Variants in NCKAP5 observed in about 807,000 individuals in gnomAD.
NCKAP5 encodes the protein nck-associated protein 5.
In NCKAP5, 92 loss-of-function variants were observed where a neutral mutation model predicts 167.0. That is an observed-to-expected ratio of 0.55 (90% CI 0.47 to 0.66). NCKAP5 has a LOEUF of 0.66. NCKAP5 is among the 30% of genes least tolerant of loss of function. NCKAP5 has a pLI of 0.00. For synonymous variants in NCKAP5, 891 were observed against 877.4 expected, an observed-to-expected ratio of 1.02 and a Z score of -0.27; for missense variants, 2,378 against 2,315.0, an observed-to-expected ratio of 1.03 and a Z score of -0.56.
At chr2:133,279,722 T>C (rs1206445846) in intron 4 of NCKAP5, among the ~76,000 whole-genome samples, 1 of 152,232 alleles carries the variant, frequency 6.6e-6, no homozygotes, top group Non-Finnish European at 1.5e-5. Flanking sequence ...ACACCGTTGT[T>C]CTATGATAGC....
At chr2:132,766,681 A>G (rs1402890659) in intron 16 of NCKAP5, among the ~76,000 whole-genome samples, 1 of 152,200 alleles carries the variant, frequency 6.6e-6, no homozygotes, top group Non-Finnish European at 1.5e-5. Context: ...TCTCTATAGA[A>G]GTGAAGCACT....
At chr2:133,075,967 C>T (rs1262956653) in intron 6 of NCKAP5, among the ~76,000 whole-genome samples, 2 of 152,060 alleles carry the variant, frequency 1.3e-5, no homozygotes, top group Non-Finnish European at 2.9e-5. Context: ...CTGAAACCCA[C>T]TTCAAATATA....
chr2:133,014,541 T>C (rs1398623762), intron 6 of NCKAP5, among the ~76,000 whole-genome samples: 1 of 152,248 alleles, frequency 6.6e-6, no homozygotes, highest in Non-Finnish European at 1.5e-5. Flanking sequence ...ACTTAACTTT[T>C]AGTTGAATTA....
rs113791711 is a variant in NCKAP5 at position 133,384,329 on chromosome 2, C to G, written c.70-81219G>C. 5.7e-4 allele frequency among the ~76,000 whole-genome samples: 87 copies of G among 152,296 alleles called. 2 individuals carry two copies. The highest frequency in any genetic ancestry group is 2.0e-3 in the African/African-American group (82 of 41,570). On this transcript the variant is annotated intron_variant, in intron 3 of 19. Coordinates refer to ENST00000409261, the MANE Select transcript of NCKAP5 (RefSeq NM_207363.3). Reference sequence around the variant, plus strand: ...TAAATAGGGAATCCTTTCCCCATTTCTTGTTTTTGTCAGGTTCGTCAAAGA... The same window carrying G: ...TAAATAGGGAATCCTTTCCCCATTTGTTGTTTTTGTCAGGTTCGTCAAAGA...
intron 11 of NCKAP5, among the ~76,000 whole-genome samples, chr2:132,827,231 A>G (rs1687191647): frequency 6.6e-6 from 1 of 152,208 alleles, no homozygotes; most frequent in South Asian, 2.1e-4. Context: ...TTTAAAAAAG[A>G]GCATTATTTT....
intron 3 of NCKAP5, among the ~76,000 whole-genome samples, chr2:133,327,771 C>A (rs777361261): frequency 6.6e-6 from 1 of 151,904 alleles, no homozygotes; most frequent in Non-Finnish European, 1.5e-5. Flanking sequence ...AAGACAGTAG[C>A]GACATTAATA....
intron 6 of NCKAP5, among the ~76,000 whole-genome samples, chr2:133,076,335 G>A (rs533840024): frequency 1.3e-5 from 2 of 152,214 alleles, no homozygotes; most frequent in East Asian, 3.9e-4. Context: ...TGGAGGACTT[G>A]AGCATCCAAG....
intron 3 of NCKAP5, among the ~76,000 whole-genome samples, chr2:133,324,077 G>T (rs1682260130): frequency 6.6e-6 from 1 of 152,194 alleles, no homozygotes; most frequent in South Asian, 2.1e-4. Context: ...TATGTCCTTT[G>T]GCTCCGGGAG....
At chr2:133,533,366 G>T (rs971622618) in intron 2 of NCKAP5, among the ~76,000 whole-genome samples, 6 of 152,128 alleles carry the variant, frequency 3.9e-5, no homozygotes, top group Admixed American at 3.9e-4. Context: ...AGATTAGTTC[G>T]GTTTTTAAAA....
chr2:133,097,941 T>G (rs906857110), intron 6 of NCKAP5, among the ~76,000 whole-genome samples: 1 of 152,190 alleles, frequency 6.6e-6, no homozygotes, highest in Non-Finnish European at 1.5e-5. Flanking sequence ...TGACACTACC[T>G]TGACCCAGTG....
intron 17 of NCKAP5, among the ~76,000 whole-genome samples, chr2:132,729,702 T>C (rs753074792): frequency 6.6e-6 from 1 of 152,160 alleles, no homozygotes; most frequent in African/African-American, 2.4e-5. Context: ...CCACTACCCA[T>C]GAAAGTAGAT....
chr2:133,602,630 A>C, the NCKAP5 span, among the ~76,000 whole-genome samples: 9 of 152,186 alleles, frequency 5.9e-5, no homozygotes, highest in Non-Finnish European at 1.3e-4. Context: ...TTCTGGGCTA[A>C]GTCTTGTTTT....
In NCKAP5 at chr2:132,759,128, T is replaced by C. The variant is rs561748247; in HGVS notation, c.5128+14688A>G. 1.8e-4 allele frequency among the ~76,000 whole-genome samples: 28 copies of C among 152,314 alleles called. 1 individual carries two copies. Among genetic ancestry groups the C allele is most frequent in the Admixed American group, 9.8e-4 (15 of 15,304 alleles). ...TTCTGCTACAATTGGCTTTTTTTTT[T>C]CCAATCAACATTGCTTTTCAAATGA... On this transcript the variant is annotated intron_variant, in intron 16 of 19. Coordinates refer to ENST00000409261, the MANE Select transcript of NCKAP5 (RefSeq NM_207363.3).
chr2:132,726,680 G>C (rs1690487082), intron 18 of NCKAP5, among the ~76,000 whole-genome samples: 1 of 152,182 alleles, frequency 6.6e-6, no homozygotes, highest in Non-Finnish European at 1.5e-5. Flanking sequence ...CACATTTTAG[G>C]ATGTAAACTC....
At chr2:132,711,194 A>G (rs73957626) in intron 19 of NCKAP5, among the ~76,000 whole-genome samples, 1,727 of 152,274 alleles carry the variant, frequency 0.011, 39 homozygotes, top group African/African-American at 0.039. Context: ...TGGATCCCCT[A>G]TCCATCCCAT....
At chr2:132,819,038 G>C (rs1686504141) in intron 11 of NCKAP5, among the ~76,000 whole-genome samples, 1 of 151,982 alleles carries the variant, frequency 6.6e-6, no homozygotes, top group Admixed American at 6.6e-5. Flanking sequence ...ATAATCTTAT[G>C]TCTTTTATGC....
intron 8 of NCKAP5, among the ~76,000 whole-genome samples, chr2:132,956,194 G>T (rs2076338522): frequency 6.6e-6 from 1 of 152,158 alleles, no homozygotes; most frequent in Non-Finnish European, 1.5e-5. Context: ...CACTCTGCAT[G>T]CCATAAATGT....
At chr2:133,440,004 A>T (rs539385261) in intron 3 of NCKAP5, among the ~76,000 whole-genome samples, 1 of 152,330 alleles carries the variant, frequency 6.6e-6, no homozygotes, top group African/African-American at 2.4e-5. Flanking sequence ...TATGTTAAAC[A>T]TTAGGATTTA....
In NCKAP5 at chr2:132,804,215, G is replaced by A. The variant is rs530597884; in HGVS notation, c.808-7486C>T. Among the ~76,000 whole-genome samples the A allele has an allele frequency of 4.6e-5, 7 of 152,238 alleles. No homozygotes were observed. In the East Asian group the frequency reaches 7.7e-4, roughly 17 times the overall value. On this transcript the variant is annotated intron_variant, in intron 11 of 19. Coordinates refer to ENST00000409261, the MANE Select transcript of NCKAP5 (RefSeq NM_207363.3). Reference sequence around the variant, plus strand: ...CAGGAGGACAGCTGAAGAGTGACTCGCATTTGCTTGCCAAGCCTGACTCTC... The same window carrying A: ...CAGGAGGACAGCTGAAGAGTGACTCACATTTGCTTGCCAAGCCTGACTCTC...
Sources: gnomAD v4.1 joint callset for allele counts (sites outside exome capture counted in the v4.1 genomes callset) on GRCh38, gnomAD v4.1.1 for gene constraint, MANE v1.5 for transcripts, NCBI Gene and HGNC (gene_info 2026-07-23, HGNC 2026-07-21) for gene names.